WWP1: variants seen among roughly 807,000 people sequenced by gnomAD.
The protein encoded by WWP1 is WW domain containing E3 ubiquitin protein ligase 1, also known as NEDD4-like E3 ubiquitin-protein ligase WWP1.
Under a neutral mutation model 130.6 loss-of-function variants are expected in WWP1, and 49 were observed. The observed-to-expected ratio is 0.38, with a 90% CI of 0.30 to 0.48. The LOEUF (loss-of-function observed/expected upper bound fraction) is 0.48. WWP1 is among the 20% of genes least tolerant of loss of function. The pLI is 0.99. For missense variants in WWP1, 809 were observed against 1,100.6 expected, an observed-to-expected ratio of 0.74 and a Z score of 3.75; for synonymous variants, 332 against 367.8, an observed-to-expected ratio of 0.90 and a Z score of 1.11.
chr8:86,389,816 G>A (rs1384150144), intron 5 of WWP1, among the ~76,000 whole-genome samples: 32 of 150,712 alleles, frequency 2.1e-4, no homozygotes, highest in East Asian at 4.0e-4. Context: ...CAGATGGGGC[G>A]GCTGGCGGGG....
rs893039477 is a variant in WWP1, at chr8:86,379,729, C to T, written c.71-997C>T. 4.6e-5 allele frequency among the ~76,000 whole-genome samples: 7 copies of T among 152,274 alleles called. No individual in the cohort carries two copies. In the Middle Eastern group the frequency reaches 0.01, roughly 222 times the overall value. ...TGAAAATGCAAATACTACTTCTTTT[C>T]GAAGCTAACTTTCCAGATAAAACAT... On this transcript the variant is annotated intron_variant, in intron 3 of 24. Transcript: ENST00000517970.
At chr8:86,439,065 T>TTTTTTAAAA (rs1810452889) in intron 17 of WWP1, among the ~76,000 whole-genome samples, 1 of 152,100 alleles carries the variant, frequency 6.6e-6, no homozygotes, top group South Asian at 2.1e-4. Context: ...TTTTAAAGGC[T>TTTTTTAAAA]GGACGTGGTG....
At chr8:86,395,671 C>T (rs1352248984) in intron 5 of WWP1, among the ~76,000 whole-genome samples, 3 of 151,982 alleles carry the variant, frequency 2.0e-5, no homozygotes, top group South Asian at 2.1e-4. Context: ...TAGTGAAATG[C>T]GTAATACCAA....
chr8:86,394,794 A>G (rs1247495682), intron 5 of WWP1, among the ~76,000 whole-genome samples: 2 of 152,154 alleles, frequency 1.3e-5, no homozygotes, highest in African/African-American at 4.8e-5. Flanking sequence ...CCAAAATGTT[A>G]TAACTCAATC....
intron 3 of WWP1, among the ~76,000 whole-genome samples, chr8:86,379,444 G>A (rs975642589): frequency 2.0e-5 from 3 of 152,064 alleles, no homozygotes; most frequent in Non-Finnish European, 4.4e-5. Context: ...CATAGCTTTG[G>A]TTGTTTTTAT....
chr8:86,349,413 G>A (rs1169821900), intron 1 of WWP1, among the ~76,000 whole-genome samples: 5 of 152,224 alleles, frequency 3.3e-5, no homozygotes. Context: ...ATCTAGCCCA[G>A]GTTCAAGGGT....
At position 86,457,985 on chromosome 8, in the gene WWP1, A is replaced by G; in HGVS notation, c.2459A>G (p.His820Arg). 6.2e-7 allele frequency: 1 copy of G among 1,612,688 alleles called. No individual in the cohort carries two copies. The highest frequency in any genetic ancestry group is 8.5e-7 in the Non-Finnish European group (1 of 1,178,906). The change falls in exon 22 of 25, where the codon CAT becomes CGT. Residue 820 changes from histidine (H) to arginine (R), a missense_variant. His to Arg is a conservative substitution (Grantham distance 29). This residue lies in a region of WWP1 where 450 missense variants were observed against 674.2 expected (regional missense o/e 0.67). Coordinates refer to ENST00000517970, the MANE Select transcript of WWP1 (RefSeq NM_007013.4). ...TGGCAGAGAAATACTGTTTATCGAC[A>G]TTATACAAGAAACAGCAAGCAAATC... The part of the protein sequence containing the change: ...ADWQRNTVYR[H>R]YTRNSKQIIW...
At chr8:86,422,192 T>C (rs1809255339) in intron 9 of WWP1, among the ~76,000 whole-genome samples, 1 of 152,154 alleles carries the variant, frequency 6.6e-6, no homozygotes, top group Admixed American at 6.5e-5. Context: ...ACCCCAGGAA[T>C]ACTCTCTCAT....
chr8:86,407,979 A>T lies in WWP1; in HGVS notation c.725-3559A>T, dbSNP rs112757685. Among the ~76,000 whole-genome samples, 351 of 152,336 alleles carry T rather than the reference A, an allele frequency of 2.3e-3. 5 individuals carry two copies. Among genetic ancestry groups the T allele is most frequent in the African/African-American group, 7.9e-3 (329 of 41,568 alleles). ...TGTACTGGTTCTGTGGGTTTGAGAA[A>T]TGCATATCGTCATGTACACACCATT... On this transcript the variant is annotated intron_variant, in intron 8 of 24. Transcript: ENST00000517970.
chr8:86,376,508 G>T (rs1824661963), intron 3 of WWP1, among the ~76,000 whole-genome samples: 1 of 152,156 alleles, frequency 6.6e-6, no homozygotes, highest in African/African-American at 2.4e-5. Context: ...GGTGGAGGTT[G>T]CAGTGAGCCG....
chr8:86,390,352 G>A (rs943182023), intron 5 of WWP1, among the ~76,000 whole-genome samples: 23 of 152,288 alleles, frequency 1.5e-4, no homozygotes, highest in Middle Eastern at 3.4e-3. Flanking sequence ...GCGGCTGGGA[G>A]GTGGAGGTTG....
At chr8:86,367,297 A>G (rs1824027246) in intron 1 of WWP1, among the ~76,000 whole-genome samples, 1 of 152,250 alleles carries the variant, frequency 6.6e-6, no homozygotes, top group South Asian at 2.1e-4. Context: ...ATCCAGGCAC[A>G]TAGATATGTG....
At chr8:86,413,527 G>T (rs1351874464) in intron 9 of WWP1, among the ~76,000 whole-genome samples, 3 of 152,212 alleles carry the variant, frequency 2.0e-5, no homozygotes, top group African/African-American at 7.2e-5. Flanking sequence ...TGACGTCAAA[G>T]AATACTTTCG....
chr8:86,440,496 T>C (rs1563536057), intron 17 of WWP1: 1 of 246,348 alleles, frequency 4.1e-6, no homozygotes, highest in South Asian at 4.5e-5. Context: ...TTTTCTAGCA[T>C]TGAATGTTAG....
intron 5 of WWP1, among the ~76,000 whole-genome samples, chr8:86,385,406 G>T (rs1445983830): frequency 6.6e-6 from 1 of 152,088 alleles, no homozygotes; most frequent in African/African-American, 2.4e-5. Flanking sequence ...TGAAAGAAGA[G>T]AACAGCGAAA....
intron 7 of WWP1, 127 bp downstream of exon 7, chr8:86,398,765 A>G (rs1184417357): frequency 6.3e-6 from 6 of 946,354 alleles, no homozygotes; most frequent in African/African-American, 3.4e-5. Context: ...TAAGCATGTC[A>G]TTTGGTTAAT....
chr8:86,433,035 ACC>A (rs1449015207), intron 14 of WWP1, among the ~76,000 whole-genome samples: 1 of 152,198 alleles, frequency 6.6e-6, no homozygotes, highest in East Asian at 1.9e-4. Context: ...TTGCAAGGGC[ACC>A]AATGATCTTC....
intron 21 of WWP1, among the ~76,000 whole-genome samples, chr8:86,453,244 A>G (rs371245042): frequency 6.6e-6 from 1 of 152,060 alleles, no homozygotes; most frequent in South Asian, 2.1e-4. Context: ...TGTTTCTGTG[A>G]GTTTGACTAC....
At chr8:86,427,148 A>C (rs1238917821) in intron 10 of WWP1, among the ~76,000 whole-genome samples, 3 of 150,600 alleles carry the variant, frequency 2.0e-5, no homozygotes, top group African/African-American at 7.3e-5. Flanking sequence ...GGGTGACAAG[A>C]GCGAAACGCC....
Sources: allele counts gnomAD v4.1 joint callset (sites outside exome capture counted in the v4.1 genomes callset), GRCh38; gene constraint gnomAD v4.1.1; regional missense constraint gnomAD v4.1.1; transcripts MANE v1.5; gene names NCBI Gene and HGNC (gene_info 2026-07-23, HGNC 2026-07-21).